The following ZBTB48 variants were observed in gnomAD, a reference collection of about 807,000 sequenced individuals.
The protein encoded by ZBTB48 is zinc finger and BTB domain-containing protein 48.
ZBTB48 carries 35 observed loss-of-function variants against 64.5 expected under a neutral mutation model. The observed-to-expected ratio is 0.54, with a 90% CI of 0.41 to 0.72. ZBTB48 has a LOEUF of 0.72. ZBTB48 is among the 30% of genes least tolerant of loss of function. The pLI is 0.00. For missense variants in ZBTB48, 828 were observed against 895.3 expected, an observed-to-expected ratio of 0.92 and a Z score of 0.96; for synonymous variants, 442 against 356.7, an observed-to-expected ratio of 1.24 and a Z score of -2.70.
Position 6,580,541 on chromosome 1 carries a change from G to A in ZBTB48, c.-69G>A. ...TCCCGTTTCTCTCTCTTGACTCCAG[G>A]AGCTTTCTCTTGCATACCCTCGCTT... On this transcript the variant is annotated splice_region_variant and 5_prime_UTR_variant, in exon 2 of 11. Transcript: ENST00000377674. This position sits in a 1 kb window ranked among gnomAD's most constrained non-coding sequence, Gnocchi z 5.2. 1 of 1,500,332 alleles carries A rather than the reference G, an allele frequency of 6.7e-7. No individual in the cohort carries two copies. The highest frequency in any genetic ancestry group is 1.4e-5 in the African/African-American group (1 of 71,618). 92.9% of individuals were successfully genotyped at this position (1,500,332 alleles called of 1,614,324 possible). A position where few individuals can be genotyped will look rare whatever the true frequency, so the allele number is the denominator to read the frequency against.
At chr1:6,585,745 T>C (rs1048290354) in intron 3 of ZBTB48, 174 bp from the exon 4 acceptor site, 1 of 623,602 alleles carries the variant, frequency 1.6e-6, no homozygotes, top group Non-Finnish European at 2.8e-6. Flanking sequence ...CACTGCACTC[T>C]CCCTTGCAGA....
rs1448581434 is a variant in ZBTB48, at chr1:6,580,394, C to T, written c.-69-147C>T. 3 of 601,728 alleles carry T rather than the reference C, an allele frequency of 5.0e-6. No individual in the cohort carries two copies. Among genetic ancestry groups the T allele is most frequent in the East Asian group, 5.6e-5 (2 of 35,768 alleles). 37.3% of individuals were successfully genotyped at this position (601,728 alleles called of 1,614,324 possible). ...CCCCCCATCCAGCATCCCCCCTGGC[C>T]AATCCAATATGGCCCCCGGCCCCCG... is the stretch of plus-strand genomic sequence containing the variant. On this transcript the variant is annotated intron_variant, in intron 1 of 10. Coordinates refer to ENST00000377674, the MANE Select transcript of ZBTB48 (RefSeq NM_005341.4). The surrounding 1 kb of genome is among the most constrained non-coding windows in gnomAD (Gnocchi z 5.2).
chr1:6,587,539 A>G lies in ZBTB48; in HGVS notation c.1286A>G (p.Lys429Arg). Residue 429 changes from lysine (K) to arginine (R), a missense_variant, in exon 7 of 11, where the codon AAG becomes AGG. By Grantham distance (26) the Lys-to-Arg change is conservative (BLOSUM62 2). Coordinates refer to ENST00000377674, the MANE Select transcript of ZBTB48 (RefSeq NM_005341.4). ...RTELQLHEAF[K>R]HRGEKLFVCE... is the part of the protein sequence containing the mutation. ...GAGCTGCAGCTGCATGAAGCTTTCA[A>G]GCACCGTGGTGAGAAGCTGTTTGTG... 1.5e-5 allele frequency: 24 copies of G among 1,614,074 alleles called. No homozygotes were observed. Among genetic ancestry groups the G allele is most frequent in the Non-Finnish European group, 2.0e-5 (24 of 1,180,022 alleles).
chr1:6,581,099 C>G lies in ZBTB48; in HGVS notation c.490C>G (p.Gln164Glu). The G allele has an allele frequency of 6.2e-7, 1 of 1,612,922 alleles. No homozygotes were observed. The highest frequency in any genetic ancestry group is 1.3e-5 in the African/African-American group (1 of 75,020). Residue 164 changes from glutamine (Q) to glutamate (E), a missense_variant, in exon 2 of 11, where the codon CAG (glutamine) becomes GAG (glutamate). By Grantham distance (29) the Gln-to-Glu change is conservative. Transcript: ENST00000377674. Reference sequence around the variant, plus strand: ...GACTCTGGGTCTAGTCCCCAGGGATCAGGAGCCCAGAGGCAGTCATAGTCC... The same window carrying G: ...GACTCTGGGTCTAGTCCCCAGGGATGAGGAGCCCAGAGGCAGTCATAGTCC... ...SRTLGLVPRD[Q>E]EPRGSHSPQR...
In ZBTB48 at chr1:6,588,797, G is replaced by A. The variant is rs770478682; in HGVS notation, c.1723G>A (p.Val575Met). The A allele has an allele frequency of 1.2e-6, 2 of 1,614,184 alleles. No individual in the cohort carries two copies. The highest frequency in any genetic ancestry group is 1.1e-5 in the South Asian group (1 of 91,090). Residue 575 changes from valine to methionine, a missense_variant, in exon 10 of 11, where the codon GTG (valine) becomes ATG (methionine). Physicochemically the swap from Val to Met is conservative, Grantham distance 21 (BLOSUM62 1). Transcript: ENST00000377674. ...TGTGCACGTCAGACGGCACAAGGGG[G>A]TGAGGAAGTTTGAGTGCACCGAGTG... ...LRVHVRRHKG[V>M]RKFECTECGY...
At chr1:6,583,179 C>T (rs1391937493) in intron 3 of ZBTB48, among the ~76,000 whole-genome samples, 7 of 150,498 alleles carry the variant, frequency 4.7e-5, no homozygotes, top group Non-Finnish European at 1.0e-4. Flanking sequence ...TTAGTAGAGA[C>T]GGGGTTTCAC....
rs1432297672 is a variant in ZBTB48, at chr1:6,580,711, C to T, written c.102C>T (p.Gly34=). 3 of 1,614,158 alleles carry T rather than the reference C, an allele frequency of 1.9e-6. No individual in the cohort carries two copies. The highest frequency in any genetic ancestry group is 3.3e-5 in the Admixed American group (2 of 60,022). ...GCGACGCCACTCTGGACGTGGGGGG[C>T]CTGGTGTTTAAGGCACACTGGAGTG... ...QYCDATLDVG[G]LVFKAHWSVL... is the part of the protein sequence containing the mutation. The change falls in exon 2 of 11, where the codon GGC becomes GGT. Residue 34 remains glycine, a synonymous_variant. Coordinates refer to ENST00000377674, the MANE Select transcript of ZBTB48 (RefSeq NM_005341.4). This position sits in a 1 kb window ranked among gnomAD's most constrained non-coding sequence, Gnocchi z 5.2.
chr1:6,582,354 G>T (rs922578755), intron 3 of ZBTB48, 55 bp downstream of exon 3: 3 of 1,581,904 alleles, frequency 1.9e-6, no homozygotes, highest in Admixed American at 1.7e-5. Flanking sequence ...CACGTTGGGG[G>T]AGGGGTCCTG....
rs914824896 is a variant in ZBTB48, at chr1:6,580,642, G to A, written c.33G>A (p.Arg11=). Residue 11 remains arginine, a synonymous_variant, in exon 2 of 11, where the codon AGG becomes AGA. Transcript: ENST00000377674. The surrounding 1 kb of genome is among the most constrained non-coding windows in gnomAD (Gnocchi z 5.2). The part of the protein sequence containing the change: MDGSFVQHSV[R]VLQELNKQRE... ...GCTCCTTCGTCCAGCACAGTGTGAG[G>A]GTTCTGCAGGAGCTCAACAAGCAGC... 2 of 1,613,868 alleles carry A rather than the reference G, an allele frequency of 1.2e-6. No homozygotes were observed. Among genetic ancestry groups the A allele is most frequent in the African/African-American group, 2.7e-5 (2 of 74,908 alleles).
intron 9 of ZBTB48, 133 bp from the exon 10 acceptor site, chr1:6,588,620 GAGA>G: frequency 1.4e-6 from 2 of 1,455,892 alleles, no homozygotes; most frequent in Non-Finnish European, 1.9e-6. Flanking sequence ...GGTGGCACTG[GAGA>G]GCCTGGCAGG....
In ZBTB48 at chr1:6,584,669, T is replaced by C. The variant is rs1160101450; in HGVS notation, c.933-1250T>C. The stretch of plus-strand genomic sequence containing the variant: ...GCTGGATGCTTGCTTTCAAGTACTC[T>C]GCTGGGGTAAGACTCTGGGGCAGTT... On this transcript the variant is annotated intron_variant, in intron 3 of 10. Transcript: ENST00000377674. The surrounding 1 kb of genome is among the most constrained non-coding windows in gnomAD (Gnocchi z 4.5). Among the ~76,000 whole-genome samples, 1 of 152,220 alleles carries C rather than the reference T, an allele frequency of 6.6e-6. No individual in the cohort carries two copies. The highest frequency in any genetic ancestry group is 1.5e-5 in the Non-Finnish European group (1 of 68,032).
chr1:6,586,230 G>A, intron 4 of ZBTB48, 200 bp downstream of exon 4: 2 of 614,038 alleles, frequency 3.3e-6, no homozygotes, highest in South Asian at 2.0e-5. Flanking sequence ...GACAGGCATA[G>A]GAGGGACTCT....
intron 3 of ZBTB48, chr1:6,585,544 TG>T (rs959585659): frequency 1.8e-4 from 37 of 204,938 alleles, no homozygotes; most frequent in Non-Finnish European, 3.8e-4. Flanking sequence ...CCAGCCTTGG[TG>T]GGCCAGTGGA....
rs1439785701 is a variant in ZBTB48, at chr1:6,581,217, A to G, written c.608A>G (p.Glu203Gly). 6.2e-7 allele frequency: 1 copy of G among 1,613,276 alleles called. No homozygotes were observed. Among genetic ancestry groups the G allele is most frequent in the South Asian group, 1.1e-5 (1 of 91,084 alleles). ...LKQALKPCPL[E>G]DKKPEDCKVP... ...CAGGCCTTGAAGCCTTGTCCCCTTG[A>G]GGACAAGAAACCCGAGGACTGCAAA... Residue 203 changes from glutamate (E) to glycine (G), a missense_variant, in exon 2 of 11, where the codon GAG (glutamate) becomes GGG (glycine). By Grantham distance (98) the Glu-to-Gly change is moderately conservative. Coordinates refer to ENST00000377674, the MANE Select transcript of ZBTB48 (RefSeq NM_005341.4).
Position 6,580,567 on chromosome 1 carries a change from A to C in ZBTB48, c.-43A>C. 6.3e-7 allele frequency: 1 copy of C among 1,577,208 alleles called. No individual in the cohort carries two copies. Among genetic ancestry groups the C allele is most frequent in the Non-Finnish European group, 8.6e-7 (1 of 1,159,008 alleles). On this transcript the variant is annotated 5_prime_UTR_variant, in exon 2 of 11. Transcript: ENST00000377674. This position sits in a 1 kb window ranked among gnomAD's most constrained non-coding sequence, Gnocchi z 5.2. ...AGCTTTCTCTTGCATACCCTCGCTTAGGCTGGCCGGGGTGTCACTTCTGCC... is the reference window on the plus strand; with the variant it reads ...AGCTTTCTCTTGCATACCCTCGCTTCGGCTGGCCGGGGTGTCACTTCTGCC...
chr1:6,585,506 TCCCC>T (rs1640626403), intron 3 of ZBTB48: 1 of 198,306 alleles, frequency 5.0e-6, no homozygotes, highest in African/African-American at 2.3e-5. Context: ...GATGGGCAGC[TCCCC>T]TGGCTACCTG....
intron 4 of ZBTB48, 21 bp downstream of exon 4, chr1:6,586,051 G>T: frequency 6.2e-7 from 1 of 1,612,418 alleles, no homozygotes; most frequent in South Asian, 1.1e-5. Context: ...GCTGGCCCAG[G>T]TACTTGTGGG....
chr1:6,581,799 C>T (rs1164695997), intron 2 of ZBTB48, among the ~76,000 whole-genome samples: 17 of 152,214 alleles, frequency 1.1e-4, no homozygotes, highest in Admixed American at 1.1e-3. Flanking sequence ...TGCCACCTTC[C>T]TGAGAGGAGT....
chr1:6,588,545 A>G, intron 9 of ZBTB48, 103 bp downstream of exon 9: 4 of 1,449,180 alleles, frequency 2.8e-6, no homozygotes, highest in Non-Finnish European at 3.6e-6. Context: ...TTTGTGCCCC[A>G]CATGGTTAGA....
Sources: gnomAD v4.1 joint callset for allele counts (sites outside exome capture counted in the v4.1 genomes callset) on GRCh38, gnomAD v4.1.1 for gene constraint, Gnocchi (gnomAD v3.1) non-coding constraint, MANE v1.5 for transcripts, NCBI Gene and HGNC (gene_info 2026-07-23, HGNC 2026-07-21) for gene names.